The following HSD17B13 variants were observed in gnomAD, a reference collection of about 807,000 sequenced individuals.
HSD17B13 encodes 17-beta-hydroxysteroid dehydrogenase 13.
In HSD17B13, 26 loss-of-function variants were observed where a neutral mutation model predicts 31.1. The ratio of observed to expected loss-of-function variants is 0.84; its 90% CI spans 0.61 to 1.16. The LOEUF (loss-of-function observed/expected upper bound fraction) is 1.16, where lower values mean the gene tolerates loss of function less well. HSD17B13 is among the 50% of genes most tolerant of loss of function. HSD17B13 has a pLI of 0.00. For missense variants in HSD17B13, 374 were observed against 366.5 expected, an observed-to-expected ratio of 1.02 and a Z score of -0.17; for synonymous variants, 141 against 133.7, an observed-to-expected ratio of 1.05 and a Z score of -0.38.
chr4:87,317,185 A>C lies in HSD17B13; in HGVS notation c.357T>G (p.Asn119Lys). The stretch of plus-strand genomic sequence containing the variant: ...CGGCTGGATATACTGTCCCAGCATT[A>C]TTCACCACGATTGTTACATCACCCA... ...KEVGDVTIVV[N>K]NAGTVYPADL... The change falls in exon 3 of 7, where the codon AAT becomes AAG. Residue 119 changes from asparagine (N) to lysine (K), a missense_variant. By Grantham distance (94) the Asn-to-Lys change is moderately conservative. Transcript: ENST00000328546. 1 of 1,614,072 alleles carries C rather than the reference A, an allele frequency of 6.2e-7. No individual in the cohort carries two copies. Among genetic ancestry groups the C allele is most frequent in the Non-Finnish European group, 8.5e-7 (1 of 1,179,928 alleles).
chr4:87,319,124 G>A (rs1175132949), intron 1 of HSD17B13, among the ~76,000 whole-genome samples: 1 of 152,198 alleles, frequency 6.6e-6, no homozygotes, highest in Non-Finnish European at 1.5e-5. Flanking sequence ...GGAGGTTGCA[G>A]TGAGCTGAAA....
At position 87,305,035 on chromosome 4, in the gene HSD17B13, C is replaced by T. The variant is rs940034124; in HGVS notation, c.*183G>A. 9.7e-6 allele frequency: 4 copies of T among 414,434 alleles called. No homozygotes were observed. Among genetic ancestry groups the T allele is most frequent in the Non-Finnish European group, 1.7e-5 (4 of 236,564 alleles). The allele number at this position is 414,434 out of a possible 1,614,324, so 25.7% of individuals were successfully genotyped here. On this transcript the variant is annotated 3_prime_UTR_variant, in exon 7 of 7. Transcript: ENST00000328546. ...GGAAAAACAGACCTATGAAAAACTACGTAAATATTCTTGAGAAACAGGAAG... is the reference window on the plus strand; with the variant it reads ...GGAAAAACAGACCTATGAAAAACTATGTAAATATTCTTGAGAAACAGGAAG...
chr4:87,320,626 A>G (rs555156994), intron 1 of HSD17B13, among the ~76,000 whole-genome samples: 1 of 152,146 alleles, frequency 6.6e-6, no homozygotes, highest in South Asian at 2.1e-4. Flanking sequence ...TGACCTCGTG[A>G]TCCGCCCGTC....
chr4:87,319,112 G>T (rs1329378267), intron 1 of HSD17B13, among the ~76,000 whole-genome samples: 1 of 152,164 alleles, frequency 6.6e-6, no homozygotes, highest in African/African-American at 2.4e-5. Context: ...AACCCGGGAG[G>T]CGGAGGTTGC....
Position 87,322,705 on chromosome 4 carries a change from T to C in HSD17B13, c.137A>G (p.His46Arg), listed in dbSNP as rs373745664. The C allele has an allele frequency of 9.3e-6, 15 of 1,614,174 alleles. No homozygotes were observed. Among genetic ancestry groups the C allele is most frequent in the Middle Eastern group, 1.7e-4 (1 of 6,060 alleles). Residue 46 changes from histidine to arginine, a missense_variant, in exon 1 of 7, where the codon CAT (histidine) becomes CGT (arginine). His to Arg is a conservative substitution (Grantham distance 29, BLOSUM62 0). Coordinates refer to ENST00000328546, the MANE Select transcript of HSD17B13 (RefSeq NM_178135.5). The part of the protein sequence containing the change: ...GEIVLITGAG[H>R]GIGRQTTYEF... ...ATAAGTAGTCTGCCTGCCTATTCCATGCCCAGCTCCAGTAATGAGAACAAT... is the reference window on the plus strand; with the variant it reads ...ATAAGTAGTCTGCCTGCCTATTCCACGCCCAGCTCCAGTAATGAGAACAAT...
chr4:87,310,096 C>T (rs111468512), intron 6 of HSD17B13, 147 bp downstream of exon 6: 102,273 of 904,698 alleles, frequency 0.11, 6,711 homozygotes, highest in Middle Eastern at 0.14. Flanking sequence ...ACCCAGGAGG[C>T]GGAGGTTGCA....
chr4:87,309,384 C>CA (rs369280214), intron 6 of HSD17B13, among the ~76,000 whole-genome samples: 9,781 of 49,624 alleles, frequency 0.2, 2,419 homozygotes, highest in Middle Eastern at 0.22. Flanking sequence ...AACTCTGTCT[C>CA]AAAAAAAAAA....
intron 2 of HSD17B13, among the ~76,000 whole-genome samples, 180 bp downstream of exon 2, chr4:87,318,149 A>T (rs1043249139): frequency 6.6e-6 from 1 of 152,232 alleles, no homozygotes; most frequent in Non-Finnish European, 1.5e-5. Context: ...AATAATGGGC[A>T]GAGCTGAGTG....
intron 6 of HSD17B13, among the ~76,000 whole-genome samples, chr4:87,305,589 T>C (rs1734373876): frequency 6.6e-6 from 1 of 152,162 alleles, no homozygotes; most frequent in South Asian, 2.1e-4. Flanking sequence ...CTTGTGGCTA[T>C]AGTAATTGCT....
At chr4:87,312,721 C>T (rs1361329918) in intron 5 of HSD17B13, among the ~76,000 whole-genome samples, 1 of 150,888 alleles carries the variant, frequency 6.6e-6, no homozygotes, top group Non-Finnish European at 1.5e-5. Context: ...TTAGTAGAGA[C>T]GGGGTTTCAC....
intron 1 of HSD17B13, 87 bp from the exon 2 acceptor site, chr4:87,318,523 G>T: frequency 1.9e-6 from 2 of 1,077,722 alleles, no homozygotes; most frequent in East Asian, 2.5e-5. Context: ...CATTCGGCTA[G>T]GCGCGGTGGC....
intron 1 of HSD17B13, among the ~76,000 whole-genome samples, chr4:87,320,395 T>G (rs1023767821): frequency 1.4e-5 from 2 of 145,844 alleles, no homozygotes; most frequent in African/African-American, 5.0e-5. Context: ...TTTTTTTTTT[T>G]TTTTTTTTTG....
chr4:87,305,382 A>G (rs1353348956), intron 6 of HSD17B13, 74 bp from the exon 7 acceptor site: 1 of 903,482 alleles, frequency 1.1e-6, no homozygotes, highest in East Asian at 2.7e-5. Context: ...GTTTTTGGTC[A>G]TTTAGAATAC....
chr4:87,312,674 C>T (rs941635432), intron 5 of HSD17B13, among the ~76,000 whole-genome samples: 6 of 150,970 alleles, frequency 4.0e-5, no homozygotes, highest in Admixed American at 1.3e-4. Flanking sequence ...GGACTACAGG[C>T]GCCCGCCACC....
In HSD17B13 at chr4:87,307,516, T is replaced by A. The variant is rs192368949; in HGVS notation, c.813-2208A>T. Among the ~76,000 whole-genome samples the A allele has an allele frequency of 6.8e-3, 1,043 of 152,306 alleles. 15 individuals carry two copies. Among genetic ancestry groups the A allele is most frequent in the African/African-American group, 0.024 (992 of 41,558 alleles). On this transcript the variant is annotated intron_variant, in intron 6 of 6. Coordinates refer to ENST00000328546, the MANE Select transcript of HSD17B13 (RefSeq NM_178135.5). Reference sequence around the variant, plus strand: ...CAACTTTTATTTTTTTTCATTTTTTTAAAAAATTTATTTTTCCGAGACAGA... The same window carrying A: ...CAACTTTTATTTTTTTTCATTTTTTAAAAAAATTTATTTTTCCGAGACAGA...
intron 1 of HSD17B13, among the ~76,000 whole-genome samples, chr4:87,321,584 C>G (rs761919706): frequency 6.6e-6 from 1 of 152,058 alleles, no homozygotes. Flanking sequence ...AAAGTTCATT[C>G]GAATTTCTTC....
At chr4:87,311,080 A>C (rs1734521215) in intron 5 of HSD17B13, among the ~76,000 whole-genome samples, 2 of 152,160 alleles carry the variant, frequency 1.3e-5, no homozygotes, top group Admixed American at 1.3e-4. Context: ...ATACATTAGC[A>C]AGCTAAGAGA....
Position 87,305,230 on chromosome 4 carries a change from G to T in HSD17B13, c.891C>A (p.Ile297=). The change falls in exon 7 of 7, where the codon ATC becomes ATA. Residue 297 remains isoleucine (I), a synonymous_variant. Coordinates refer to ENST00000328546, the MANE Select transcript of HSD17B13 (RefSeq NM_178135.5). ...IQFEAVVGHK[I]KMK is the part of the protein sequence containing the mutation. ...GGAGCTTATTTATTCATTTCATTTT[G>T]ATTTTGTGGCCAACCACTGCTTCAA... 6.2e-7 allele frequency: 1 copy of T among 1,601,350 alleles called. No individual in the cohort carries two copies. Among genetic ancestry groups the T allele is most frequent in the Non-Finnish European group, 8.5e-7 (1 of 1,173,062 alleles).
intron 1 of HSD17B13, among the ~76,000 whole-genome samples, chr4:87,320,178 A>G (rs1168084397): frequency 1.3e-5 from 2 of 152,146 alleles, no homozygotes; most frequent in African/African-American, 4.8e-5. Flanking sequence ...TCTCAAAGTC[A>G]GTATCCCCTC....
Sources: allele counts gnomAD v4.1 joint callset (sites outside exome capture counted in the v4.1 genomes callset), GRCh38; gene constraint gnomAD v4.1.1; transcripts MANE v1.5; gene names NCBI Gene and HGNC (gene_info 2026-07-23, HGNC 2026-07-21).